PHC2: variants seen among roughly 807,000 people sequenced by gnomAD.
PHC2 encodes the protein polyhomeotic-like protein 2.
PHC2 carries 29 observed loss-of-function variants against 87.4 expected under a neutral mutation model. The ratio of observed to expected loss-of-function variants is 0.33; its 90% CI spans 0.25 to 0.45. The LOEUF is 0.45. Among genes scored for constraint, PHC2 ranks in the 20% least tolerant of loss-of-function variants. PHC2 has a pLI of 1.00. For synonymous variants in PHC2, 438 were observed against 461.7 expected (o/e 0.95, Z 0.66); for missense variants, 857 against 1,136.7 (o/e 0.75, Z 3.54).
intron 2 of PHC2, among the ~76,000 whole-genome samples, chr1:33,375,028 G>A (rs12124646): frequency 0.2 from 31,108 of 152,110 alleles, 3,264 homozygotes; most frequent in South Asian, 0.25. Flanking sequence ...TTTGGCTTTT[G>A]GTCTCTGAAA....
At chr1:33,327,972 T>G (rs1391361965) in intron 14 of PHC2, among the ~76,000 whole-genome samples, 1 of 152,232 alleles carries the variant, frequency 6.6e-6, no homozygotes, top group Non-Finnish European at 1.5e-5. Flanking sequence ...GATGAAGAGA[T>G]AACATACTAG....
At chr1:33,342,507 G>C (rs1043175220) in intron 9 of PHC2, among the ~76,000 whole-genome samples, 2 of 152,090 alleles carry the variant, frequency 1.3e-5, no homozygotes. Context: ...TCAATGGAGC[G>C]AACAGCCACC....
Position 33,368,385 on chromosome 1 carries a change from G to A in PHC2, c.663+151C>T, listed in dbSNP as rs1464178621. On this transcript the variant is annotated intron_variant, in intron 6 of 14. Transcript: ENST00000683057. This position sits in a 1 kb window ranked among gnomAD's most constrained non-coding sequence, Gnocchi z 6.6. Reference sequence around the variant, plus strand: ...AGGGACTGAGGCCTTCTGGAACAGGGTAGACGCGCAGGCCTGGGGGCATTG... The same window carrying A: ...AGGGACTGAGGCCTTCTGGAACAGGATAGACGCGCAGGCCTGGGGGCATTG... 2 of 598,296 alleles carry A rather than the reference G, an allele frequency of 3.3e-6. No homozygotes were observed. Among genetic ancestry groups the A allele is most frequent in the Non-Finnish European group, 5.9e-6 (2 of 337,182 alleles). 37.1% of individuals were successfully genotyped at this position (598,296 alleles called of 1,614,324 possible).
chr1:33,364,089 C>G lies in PHC2; in HGVS notation c.976+3027G>C, dbSNP rs1319450559. 1.3e-5 allele frequency among the ~76,000 whole-genome samples: 2 copies of G among 152,032 alleles called. No individual in the cohort carries two copies. Among genetic ancestry groups the G allele is most frequent in the Non-Finnish European group, 2.9e-5 (2 of 68,006 alleles). ...AAGCCGGTTGCCAAGGTGACAGGAG[C>G]AGGAACAGCAGGGAGCTTGCCATGG... On this transcript the variant is annotated intron_variant, in intron 7 of 14. Transcript: ENST00000683057. The surrounding 1 kb of genome is among the most constrained non-coding windows in gnomAD (Gnocchi z 4.1).
intron 7 of PHC2, chr1:33,363,908 C>T (rs1256489507): frequency 1.0e-6 from 1 of 985,136 alleles, no homozygotes; most frequent in Non-Finnish European, 1.2e-6. Context: ...ATTGCTCAGT[C>T]CTCATGTCAG....
At chr1:33,328,766 C>G (rs1451433719) in intron 14 of PHC2, 104 bp downstream of exon 14, 1 of 1,158,726 alleles carries the variant, frequency 8.6e-7, no homozygotes, top group Non-Finnish European at 1.2e-6. Context: ...GTTCCTGAAC[C>G]TGAGTCATTA....
rs551599132 is a variant in PHC2, at chr1:33,364,233, C to G, written c.976+2883G>C. Among the ~76,000 whole-genome samples, 11 of 152,182 alleles carry G rather than the reference C, an allele frequency of 7.2e-5. No homozygotes were observed. The highest frequency in any genetic ancestry group is 7.2e-4 in the Admixed American group (11 of 15,288). On this transcript the variant is annotated intron_variant, in intron 7 of 14. Transcript: ENST00000683057. This position sits in a 1 kb window ranked among gnomAD's most constrained non-coding sequence, Gnocchi z 4.1. ...GAACACATTCCTCACTGCCATACCC[C>G]CTCCTACTGGCCCACTGCAAGTCTC...
intron 9 of PHC2, chr1:33,346,364 A>G (rs924215222): frequency 4.5e-5 from 44 of 985,330 alleles, no homozygotes; most frequent in Non-Finnish European, 4.9e-5. Context: ...CATCATGATC[A>G]TCTTTCAGTA....
intron 1 of PHC2, among the ~76,000 whole-genome samples, chr1:33,410,643 A>C (rs777029207): frequency 3.9e-5 from 6 of 152,208 alleles, no homozygotes; most frequent in Non-Finnish European, 7.3e-5. Flanking sequence ...CAATGGGCAG[A>C]CTAAGCCTTT....
intron 1 of PHC2, among the ~76,000 whole-genome samples, chr1:33,380,268 C>G (rs891826913): frequency 6.6e-6 from 1 of 152,200 alleles, no homozygotes; most frequent in Non-Finnish European, 1.5e-5. Flanking sequence ...ACCATCTATT[C>G]CCAGAACTTT....
intron 10 of PHC2, 123 bp downstream of exon 10, chr1:33,333,967 G>T: frequency 1.2e-6 from 1 of 819,476 alleles, no homozygotes. Flanking sequence ...TTTGGGGGAG[G>T]AAGTTAGCAA....
At chr1:33,396,989 G>A (rs922622222) in intron 1 of PHC2, among the ~76,000 whole-genome samples, 1 of 152,172 alleles carries the variant, frequency 6.6e-6, no homozygotes, top group Non-Finnish European at 1.5e-5. Flanking sequence ...GAGGAGTCTG[G>A]AATCAGATGG....
chr1:33,375,447 G>C lies in PHC2; in HGVS notation c.93C>G (p.Asn31Lys). The change falls in exon 2 of 15, where the codon AAC becomes AAG. Residue 31 changes from asparagine to lysine, a missense_variant. Around this residue, in one of 3 missense-constraint regions of PHC2, gnomAD observed 832 missense variants for 1,081.8 expected, o/e 0.77. Transcript: ENST00000683057. Reference protein sequence around the residue: ...SGASSSSGCNNSSSGGSGRPT... With the variant: ...SGASSSSGCNKSSSGGSGRPT... Reference sequence around the variant, plus strand: ...GGCGGCCACTTCCACCACTGCTGCTGTTGTTGCAGCCACTGCTGCTACTGG... The same window carrying C: ...GGCGGCCACTTCCACCACTGCTGCTCTTGTTGCAGCCACTGCTGCTACTGG... 6.2e-7 allele frequency: 1 copy of C among 1,612,512 alleles called. No homozygotes were observed. Among genetic ancestry groups the C allele is most frequent in the Non-Finnish European group, 8.5e-7 (1 of 1,179,354 alleles).
chr1:33,411,531 A>G (rs1649981545), intron 1 of PHC2, among the ~76,000 whole-genome samples: 1 of 152,124 alleles, frequency 6.6e-6, no homozygotes, highest in African/African-American at 2.4e-5. Context: ...CATATTAATA[A>G]AGAAAGTGAT....
chr1:33,329,412 C>T (rs530474656), intron 13 of PHC2, among the ~76,000 whole-genome samples: 1 of 152,164 alleles, frequency 6.6e-6, no homozygotes, highest in Non-Finnish European at 1.5e-5. Context: ...AGGAGGTGAT[C>T]ACAGAGCCAC....
chr1:33,340,294 T>C (rs1415090440), intron 9 of PHC2, among the ~76,000 whole-genome samples: 1 of 152,174 alleles, frequency 6.6e-6, no homozygotes, highest in Non-Finnish European at 1.5e-5. Context: ...AGGTCACCTA[T>C]AAAACCCAAA....
Position 33,370,521 on chromosome 1 carries a change from G to C in PHC2, c.476C>G (p.Ala159Gly). The C allele has an allele frequency of 6.2e-7, 1 of 1,614,092 alleles. No individual in the cohort carries two copies. Among genetic ancestry groups the C allele is most frequent in the Non-Finnish European group, 8.5e-7 (1 of 1,179,928 alleles). Residue 159 changes from alanine (A) to glycine (G), a missense_variant, in exon 5 of 15, where the codon GCA becomes GGA. Transcript: ENST00000683057. ...LLNRAQSVNS[A>G]AASGIAQQAV... ...CTGCTGAGCGATGCCTGAGGCTGCT[G>C]CAGAGTTCACACTCTGGGCCCGGTT...
chr1:33,427,002 A>G (rs1650700248), intron 1 of PHC2, among the ~76,000 whole-genome samples: 1 of 152,240 alleles, frequency 6.6e-6, no homozygotes, highest in Non-Finnish European at 1.5e-5. Context: ...GAGACTGCAC[A>G]GGCTGCATAC....
chr1:33,329,227 T>G, intron 13 of PHC2, 81 bp from the exon 14 acceptor site: 1 of 1,461,992 alleles, frequency 6.8e-7, no homozygotes, highest in Non-Finnish European at 9.3e-7. Flanking sequence ...TATTTCTCCT[T>G]TTTCTACTTG....
Sources: allele counts gnomAD v4.1 joint callset (sites outside exome capture counted in the v4.1 genomes callset), GRCh38; gene constraint gnomAD v4.1.1; regional missense constraint gnomAD v4.1.1; non-coding constraint Gnocchi (gnomAD v3.1); transcripts MANE v1.5; gene names NCBI Gene and HGNC (gene_info 2026-07-23, HGNC 2026-07-21).